The following FHIP2B variants were observed in gnomAD, a reference collection of about 807,000 sequenced individuals.
FHIP2B encodes FHF complex subunit HOOK interacting protein 2B, also known as FHF complex subunit HOOK-interacting protein 2B.
A neutral mutation model predicts 84.0 loss-of-function variants in FHIP2B; 72 were observed. The ratio of observed to expected loss-of-function variants is 0.86; its 90% confidence interval spans 0.71 to 1.04. The LOEUF (loss-of-function observed/expected upper bound fraction) is 1.04, where lower values mean the gene tolerates loss of function less well. Among genes scored for constraint, FHIP2B ranks in the 50% least tolerant of loss-of-function variants. The probability of loss-of-function intolerance (pLI) is 0.00; values close to 1 mark genes in which losing one functional copy is unlikely to be tolerated. For missense variants in FHIP2B, 972 were observed against 968.9 expected, an observed-to-expected ratio of 1.00 and a Z score of -0.04; for synonymous variants, 497 against 418.7, an observed-to-expected ratio of 1.19 and a Z score of -2.28.
chr8:22,091,393 G>A (rs1465716855), intron 1 of FHIP2B, among the ~76,000 whole-genome samples: 10 of 152,064 alleles, frequency 6.6e-5, no homozygotes, highest in Non-Finnish European at 1.0e-4. Flanking sequence ...ACAGGGCTGC[G>A]CCACCACGCC....
Position 22,092,966 on chromosome 8 carries a change from T to G in FHIP2B, c.46-1474T>G, listed in dbSNP as rs118009221. Among the ~76,000 whole-genome samples, 1,403 of 152,322 alleles carry G rather than the reference T, an allele frequency of 9.2e-3. 18 individuals carry two copies. The highest frequency in any genetic ancestry group is 0.013 in the Non-Finnish European group (909 of 68,034). ...GACACATTTCTTGAGGACTAGGTGT[T>G]AGTCATCCTCATGTTGCTTGTGGCA... On this transcript the variant is annotated intron_variant, in intron 1 of 16. Transcript: ENST00000289921.
intron 4 of FHIP2B, 45 bp from the exon 5 acceptor site, chr8:22,097,672 C>CCTGCCACCCCTCTCCCCT (rs1825852509): frequency 6.2e-7 from 1 of 1,608,022 alleles, no homozygotes; most frequent in Non-Finnish European, 8.5e-7. Flanking sequence ...CCCTCTCTCC[C>CCTGCCACCCCTCTCCCCT]CTGCCACCCC....
intron 11 of FHIP2B, 21 bp downstream of exon 11, chr8:22,100,760 T>A (rs1826062376): frequency 1.0e-5 from 16 of 1,606,812 alleles, no homozygotes; most frequent in Non-Finnish European, 1.3e-5. Flanking sequence ...CCGGCGCCCT[T>A]TGGACTCAGC....
chr8:22,095,998 C>T (rs937632631), intron 2 of FHIP2B: 3 of 192,160 alleles, frequency 1.6e-5, no homozygotes, highest in African/African-American at 7.0e-5. Context: ...TCCACTCAGG[C>T]CCAGAGCTGA....
intron 14 of FHIP2B, 79 bp from the exon 15 acceptor site, chr8:22,102,096 G>T: frequency 1.9e-6 from 3 of 1,608,252 alleles, no homozygotes; most frequent in Non-Finnish European, 2.5e-6. Flanking sequence ...GTTCACAGTG[G>T]CCAGGCACCT....
chr8:22,104,813 A>G lies in FHIP2B; in HGVS notation c.*1882A>G, dbSNP rs1459117987. 6.7e-6 allele frequency: 1 copy of G among 149,162 alleles called. No homozygotes were observed. The highest frequency in any genetic ancestry group is 1.5e-5 in the Non-Finnish European group (1 of 67,266). The allele number at this position is 149,162 out of a possible 1,614,324, so 9.2% of individuals were successfully genotyped here. ...GCACCACTGCACTCCAGCCTGGGCA[A>G]TAGAGTAAGACCCTGTCTAAAAAAA... is the stretch of plus-strand genomic sequence containing the variant. On this transcript the variant is annotated 3_prime_UTR_variant, in exon 17 of 17. Coordinates refer to ENST00000289921, the MANE Select transcript of FHIP2B (RefSeq NM_022749.7).
intron 1 of FHIP2B, among the ~76,000 whole-genome samples, chr8:22,092,817 G>T (rs1292431958): frequency 6.6e-6 from 1 of 152,126 alleles, no homozygotes; most frequent in African/African-American, 2.4e-5. Flanking sequence ...AGCCTTCCCT[G>T]TTCCAGCCTG....
intron 2 of FHIP2B, chr8:22,094,831 AGCT>A (rs1356147279): frequency 3.3e-6 from 4 of 1,203,474 alleles, no homozygotes; most frequent in Admixed American, 9.2e-5. Flanking sequence ...CCCAGCTTCC[AGCT>A]CCAGACCTTC....
intron 1 of FHIP2B, among the ~76,000 whole-genome samples, chr8:22,090,153 TG>T (rs147230760): frequency 8.2e-5 from 8 of 97,788 alleles, no homozygotes; most frequent in African/African-American, 2.0e-4. Context: ...CCCGGTAGGG[TG>T]GGGGGGGTGC....
rs372020664 is a variant in FHIP2B, at chr8:22,102,611, C to T, written c.2076C>T (p.Gly692=). 2.3e-5 allele frequency: 36 copies of T among 1,562,962 alleles called. No individual in the cohort carries two copies. The African/African-American group carries it at 3.7e-4, about 16-fold the overall frequency. The change falls in exon 16 of 17, where the codon GGC becomes GGT. Residue 692 remains glycine (G), a synonymous_variant. Transcript: ENST00000289921. ...TCCTGGTGCGCAAGCAGTTGACGGG[C>T]CAGGCTCCTGGGGAGCAGTGAGTAC... ...KLLLVRKQLT[G]QAPGEQLDHQ...
chr8:22,098,666 C>T, intron 7 of FHIP2B, 47 bp downstream of exon 7: 1 of 1,485,766 alleles, frequency 6.7e-7, no homozygotes, highest in Non-Finnish European at 9.0e-7. Context: ...CAGTTGCTGG[C>T]AGCCCTGCCT....
At position 22,102,792 on chromosome 8, in the gene FHIP2B, G is replaced by T; in HGVS notation, c.2094-1G>T. The T allele has an allele frequency of 6.2e-7, 1 of 1,613,086 alleles. No individual in the cohort carries two copies. Among genetic ancestry groups the T allele is most frequent in the Non-Finnish European group, 8.5e-7 (1 of 1,179,622 alleles). On this transcript the variant is annotated splice_acceptor_variant, in intron 16 of 16. Transcript: ENST00000289921. LOFTEE classifies it high-confidence loss of function. ...ATGCCCCCTGTGCCATCTCCCCTCA[G>T]GCTGGACCACCAGACCCTCCTCCAG...
chr8:22,089,759 A>G, intron 1 of FHIP2B: 1 of 1,272,412 alleles, frequency 7.9e-7, no homozygotes, highest in Non-Finnish European at 1.0e-6. Flanking sequence ...CTGATCTCCC[A>G]GACAACTCCA....
At chr8:22,099,958 T>C in intron 10 of FHIP2B, 65 bp downstream of exon 10, 1 of 1,466,558 alleles carries the variant, frequency 6.8e-7, no homozygotes, top group South Asian at 1.4e-5. Flanking sequence ...TCCTGAACAC[T>C]CTTCCCATTT....
At chr8:22,101,563 T>C in intron 13 of FHIP2B, 33 bp downstream of exon 13, 1 of 1,597,472 alleles carries the variant, frequency 6.3e-7, no homozygotes, top group Non-Finnish European at 8.6e-7. Flanking sequence ...TCCCACTTCC[T>C]GTCCTTCAGA....
In FHIP2B at chr8:22,094,492, T is replaced by C. The variant is rs371216333; in HGVS notation, c.98T>C (p.Ile33Thr). The C allele has an allele frequency of 1.2e-5, 20 of 1,611,562 alleles. No individual in the cohort carries two copies. Among genetic ancestry groups the C allele is most frequent in the South Asian group, 2.2e-5 (2 of 91,012 alleles). The change falls in exon 2 of 17, where the codon ATC (isoleucine) becomes ACC (threonine). Residue 33 changes from isoleucine (I) to threonine (T), a missense_variant. Coordinates refer to ENST00000289921, the MANE Select transcript of FHIP2B (RefSeq NM_022749.7). ...LQAFVEHWKG[I>T]THYYIESTDE... ...GCCTTCGTGGAGCACTGGAAGGGCATCACGCACTACTACATCGAGAGCACA... is the reference window on the plus strand; with the variant it reads ...GCCTTCGTGGAGCACTGGAAGGGCACCACGCACTACTACATCGAGAGCACA...
intron 2 of FHIP2B, chr8:22,095,046 C>T: frequency 4.0e-6 from 1 of 249,544 alleles, no homozygotes. Context: ...CACCTGGTCC[C>T]ATCAGGACCG....
In FHIP2B at chr8:22,104,831, T is replaced by TTAAAAAAA. The variant is rs370807518; in HGVS notation, c.*1900_*1901insTAAAAAAA. On this transcript the variant is annotated 3_prime_UTR_variant, in exon 17 of 17. Transcript: ENST00000289921. Reference sequence around the variant, plus strand: ...CTGGGCAATAGAGTAAGACCCTGTCTAAAAAAAAAAAAAAAAAATTTCACA... The same window carrying TTAAAAAAA: ...CTGGGCAATAGAGTAAGACCCTGTCTTAAAAAAAAAAAAAAAAAAAAAAAAATTTCACA... 2 of 126,520 alleles carry TTAAAAAAA rather than the reference T, an allele frequency of 1.6e-5. No homozygotes were observed. The highest frequency in any genetic ancestry group is 2.5e-4 in the South Asian group (1 of 4,056). 7.8% of individuals were successfully genotyped at this position (126,520 alleles called of 1,614,324 possible).
In FHIP2B at chr8:22,104,680, G is replaced by A. The variant is rs1826299470; in HGVS notation, c.*1749G>A. 1 of 152,284 alleles carries A rather than the reference G, an allele frequency of 6.6e-6. No homozygotes were observed. Among genetic ancestry groups the A allele is most frequent in the East Asian group, 1.9e-4 (1 of 5,182 alleles). The allele number at this position is 152,284 out of a possible 1,614,324, so 9.4% of individuals were successfully genotyped here. ...ACCACGTGGGAGCATCTGTGTGCAA[G>A]TCTCATTTGGGTGTGTTTATGCTGC... On this transcript the variant is annotated 3_prime_UTR_variant, in exon 17 of 17. Coordinates refer to ENST00000289921, the MANE Select transcript of FHIP2B (RefSeq NM_022749.7).
Sources: gnomAD v4.1 joint callset for allele counts (sites outside exome capture counted in the v4.1 genomes callset) on GRCh38, gnomAD v4.1.1 for gene constraint, MANE v1.5 for transcripts, NCBI Gene and HGNC (gene_info 2026-07-23, HGNC 2026-07-21) for gene names.